Variants in TMEM132D observed in about 807,000 individuals in gnomAD.
The protein encoded by TMEM132D is transmembrane protein 132D, also known as mature OL transmembrane protein.
In TMEM132D, 21 loss-of-function variants were observed where a neutral mutation model predicts 62.3. That is an observed-to-expected ratio of 0.34 (90% CI 0.24 to 0.49). The LOEUF (loss-of-function observed/expected upper bound fraction) is 0.49, where lower values mean the gene tolerates loss of function less well. Among genes scored for constraint, TMEM132D ranks in the 20% least tolerant of loss-of-function variants. The probability of loss-of-function intolerance (pLI) is 0.99; values close to 1 mark genes in which losing one functional copy is unlikely to be tolerated. For missense variants in TMEM132D, 1,346 were observed against 1,402.8 expected (o/e 0.96, Z 0.65); for synonymous variants, 621 against 575.6 (o/e 1.08, Z -1.13).
intron 4 of TMEM132D, among the ~76,000 whole-genome samples, chr12:129,280,590 A>G (rs887743814): frequency 5.9e-5 from 9 of 152,130 alleles, no homozygotes; most frequent in African/African-American, 2.2e-4. Flanking sequence ...GTCAGGAACT[A>G]TATTATTAGC....
At chr12:129,143,191 G>A (rs1397093495) in intron 5 of TMEM132D, among the ~76,000 whole-genome samples, 2 of 152,050 alleles carry the variant, frequency 1.3e-5, no homozygotes, top group South Asian at 2.1e-4. Flanking sequence ...GACTGGCTTC[G>A]ACTTGGGGTT....
intron 5 of TMEM132D, 26 bp downstream of exon 5, chr12:129,209,494 G>T: frequency 4.3e-6 from 7 of 1,612,508 alleles, no homozygotes; most frequent in Non-Finnish European, 4.2e-6. Flanking sequence ...GCAGGTTTCT[G>T]CAGGGGCGGG....
chr12:129,226,636 A>G (rs1340837484), intron 4 of TMEM132D, among the ~76,000 whole-genome samples: 1 of 152,240 alleles, frequency 6.6e-6, no homozygotes, highest in Non-Finnish European at 1.5e-5. Flanking sequence ...AGACTGACCC[A>G]TGTCCTGATT....
At position 129,642,072 on chromosome 12, in the gene TMEM132D, A is replaced by G. The variant is rs612093; in HGVS notation, c.968+57738T>C. 7.8e-3 allele frequency among the ~76,000 whole-genome samples: 1,188 copies of G among 152,152 alleles called. 10 individuals are homozygous for G. The highest frequency in any genetic ancestry group is 0.027 in the African/African-American group (1,115 of 41,514). On this transcript the variant is annotated intron_variant, in intron 2 of 8. Transcript: ENST00000422113. ...GGATGACAGTATTCCTAGCAGAGAG[A>G]CGGGACGCTAGCCAGGAGGCCTGCA...
chr12:129,174,285 G>T (rs999120163), intron 5 of TMEM132D, among the ~76,000 whole-genome samples: 1 of 151,978 alleles, frequency 6.6e-6, no homozygotes, highest in African/African-American at 2.4e-5. Flanking sequence ...GTGTCCATGC[G>T]TTCTCATTGT....
chr12:129,514,200 T>C (rs1342719707), intron 3 of TMEM132D, among the ~76,000 whole-genome samples: 4 of 152,148 alleles, frequency 2.6e-5, no homozygotes, highest in African/African-American at 7.2e-5. Context: ...CCAACCGCAG[T>C]AGGCTACTTC....
chr12:129,077,280 T>C (rs936173716), intron 8 of TMEM132D, among the ~76,000 whole-genome samples: 4 of 152,038 alleles, frequency 2.6e-5, no homozygotes, highest in African/African-American at 9.7e-5. Context: ...AAAAGGCTCC[T>C]GATCCAGAAG....
rs1378418114 is a variant in TMEM132D at position 129,081,800 on chromosome 12, G to A, written c.1882C>T (p.Gln628Ter). The A allele has an allele frequency of 6.2e-7, 1 of 1,610,392 alleles. No individual in the cohort carries two copies. The highest frequency in any genetic ancestry group is 8.5e-7 in the Non-Finnish European group (1 of 1,179,298). The change falls in exon 7 of 9, where the codon CAG becomes TAG. Residue 628 changes from glutamine (Q) to a stop codon, truncating the protein, a stop_gained. Coordinates refer to ENST00000422113, the MANE Select transcript of TMEM132D (RefSeq NM_133448.3). LOFTEE classifies it high-confidence loss of function. Reference sequence around the variant, plus strand: ...CCAAGCTCCTGCCCCATCAGGATCTGTCCGCCTTGCAGCTTGGCGATCCTG... The same window carrying A: ...CCAAGCTCCTGCCCCATCAGGATCTATCCGCCTTGCAGCTTGGCGATCCTG... Reference protein sequence around the residue: ...EPRIAKLQGGQILMGQELGMT... With the variant: ...EPRIAKLQGG
chr12:129,474,355 C>T (rs1045746804), intron 3 of TMEM132D, among the ~76,000 whole-genome samples: 3 of 152,214 alleles, frequency 2.0e-5, no homozygotes, highest in Admixed American at 2.0e-4. Context: ...AATTAATTCT[C>T]ACATCAACCC....
chr12:129,224,188 T>G (rs1245040898), intron 4 of TMEM132D, among the ~76,000 whole-genome samples: 1 of 152,228 alleles, frequency 6.6e-6, no homozygotes, highest in Non-Finnish European at 1.5e-5. Flanking sequence ...GAGTTACTCA[T>G]TGCCTTCCTT....
At chr12:129,681,630 C>A (rs574472163) in intron 2 of TMEM132D, 1 of 152,342 alleles carries the variant, frequency 6.6e-6, no homozygotes, top group African/African-American at 2.4e-5. Context: ...TTTGATCTAT[C>A]CTCAGAAGCT....
rs11060553 is a variant in TMEM132D at position 129,786,974 on chromosome 12, G to A, written c.80-86276C>T. Among the ~76,000 whole-genome samples the A allele has an allele frequency of 7.5e-3, 1,140 of 152,014 alleles. 14 individuals carry two copies. Among genetic ancestry groups the A allele is most frequent in the African/African-American group, 0.025 (1,021 of 41,522 alleles). ...TGACAGCATGAGCTCCAGGGGCATC[G>A]GAATGTGACGGGCAAGTTGCAGAAT... On this transcript the variant is annotated intron_variant, in intron 1 of 8. Transcript: ENST00000422113.
intron 4 of TMEM132D, among the ~76,000 whole-genome samples, chr12:129,302,378 G>T (rs1482079780): frequency 1.3e-5 from 2 of 152,258 alleles, no homozygotes; most frequent in Non-Finnish European, 2.9e-5. Flanking sequence ...GCCTCCCAAA[G>T]TTCTGGGATT....
At position 129,550,050 on chromosome 12, in the gene TMEM132D, G is replaced by A. The variant is rs951493517; in HGVS notation, c.969-18845C>T. 2.0e-5 allele frequency among the ~76,000 whole-genome samples: 3 copies of A among 152,004 alleles called. No individual in the cohort carries two copies. The South Asian group carries it at 6.2e-4, about 32-fold the overall frequency. On this transcript the variant is annotated intron_variant, in intron 2 of 8. Coordinates refer to ENST00000422113, the MANE Select transcript of TMEM132D (RefSeq NM_133448.3). ...GATATAAACATACAAACTAAAAGCT[G>A]GAATAAGAATATGTGGATGTTTACC... is the stretch of plus-strand genomic sequence containing the variant.
chr12:129,299,062 G>A (rs1881643893), intron 4 of TMEM132D, among the ~76,000 whole-genome samples: 1 of 152,202 alleles, frequency 6.6e-6, no homozygotes, highest in Admixed American at 6.5e-5. Context: ...TCAGAAGGAA[G>A]TTCCCAAGGT....
intron 1 of TMEM132D, among the ~76,000 whole-genome samples, chr12:129,872,817 C>T (rs906618779): frequency 2.0e-5 from 3 of 152,060 alleles, no homozygotes; most frequent in African/African-American, 7.2e-5. Flanking sequence ...TCAACAAACC[C>T]GTTAATAAAA....
chr12:129,787,446 C>G (rs915593847), intron 1 of TMEM132D, among the ~76,000 whole-genome samples: 1 of 152,154 alleles, frequency 6.6e-6, no homozygotes, highest in Non-Finnish European at 1.5e-5. Flanking sequence ...TCTGTTTCCC[C>G]TTAGTTAATG....
At chr12:129,801,725 C>G (rs1395456499) in intron 1 of TMEM132D, among the ~76,000 whole-genome samples, 1 of 150,460 alleles carries the variant, frequency 6.6e-6, no homozygotes, top group African/African-American at 2.5e-5. Context: ...AGGCTTCAGA[C>G]GATCAAATTA....
intron 5 of TMEM132D, among the ~76,000 whole-genome samples, chr12:129,099,806 A>AT (rs63230961): frequency 2.8e-5 from 4 of 141,316 alleles, no homozygotes; most frequent in African/African-American, 3.2e-5. Flanking sequence ...AACCCACTTT[A>AT]TTTTTTTTTA....
Sources: allele counts gnomAD v4.1 joint callset (sites outside exome capture counted in the v4.1 genomes callset), GRCh38; gene constraint gnomAD v4.1.1; transcripts MANE v1.5; gene names NCBI Gene and HGNC (gene_info 2026-07-23, HGNC 2026-07-21).